FLT3: variants seen among roughly 807,000 people sequenced by gnomAD.
FLT3 encodes receptor-type tyrosine-protein kinase FLT3.
A neutral mutation model predicts 126.6 loss-of-function variants in FLT3; 46 were observed. That is an observed-to-expected ratio of 0.36 (90% CI 0.29 to 0.46). The LOEUF (loss-of-function observed/expected upper bound fraction) is 0.46. Ranked by LOEUF, FLT3 falls within the 20% of genes least tolerant of loss-of-function variation. The probability of loss-of-function intolerance (pLI) is 1.00; values close to 1 mark genes in which losing one functional copy is unlikely to be tolerated. For synonymous variants in FLT3, 404 were observed against 434.4 expected (o/e 0.93, Z 0.87); for missense variants, 1,069 against 1,190.3 (o/e 0.90, Z 1.50).
Position 28,018,976 on chromosome 13 carries a change from T to C in FLT3, c.2419-387A>G, listed in dbSNP as rs532622488. ...GAAATAGCATCTCTTTTCTTTTTTT[T>C]TTTTTTTTGAGACGGAGTTTCACTC... is the stretch of plus-strand genomic sequence containing the variant. On this transcript the variant is annotated intron_variant, in intron 19 of 23. Coordinates refer to ENST00000241453, the MANE Select transcript of FLT3 (RefSeq NM_004119.3). Among the ~76,000 whole-genome samples, 52 of 151,180 alleles carry C rather than the reference T, an allele frequency of 3.4e-4. No individual in the cohort carries two copies. The East Asian group carries it at 9.9e-3, about 29-fold the overall frequency.
intron 9 of FLT3, among the ~76,000 whole-genome samples, chr13:28,047,045 T>C (rs916002996): frequency 9.2e-5 from 14 of 152,158 alleles, no homozygotes; most frequent in Non-Finnish European, 1.5e-5. Flanking sequence ...GTGGCTACCG[T>C]ACCGGACAGC....
chr13:28,058,166 C>T (rs1876183833), intron 3 of FLT3, among the ~76,000 whole-genome samples: 1 of 145,602 alleles, frequency 6.9e-6, no homozygotes, highest in Non-Finnish European at 1.5e-5. Context: ...CAAGACCAGC[C>T]TGGGCCACAT....
chr13:28,063,058 A>T (rs572870182), intron 2 of FLT3, among the ~76,000 whole-genome samples: 1 of 86,422 alleles, frequency 1.2e-5, no homozygotes, highest in Non-Finnish European at 2.6e-5. Flanking sequence ...TTGTTGGTAT[A>T]TAGATAAAAA....
intron 1 of FLT3, among the ~76,000 whole-genome samples, chr13:28,072,155 G>C (rs1229627480): frequency 6.7e-6 from 1 of 149,938 alleles, no homozygotes; most frequent in East Asian, 1.9e-4. Flanking sequence ...AAATATATGT[G>C]TATTTATATA....
intron 20 of FLT3, among the ~76,000 whole-genome samples, chr13:28,017,505 C>T (rs1005599045): frequency 1.5e-4 from 23 of 152,102 alleles, no homozygotes; most frequent in African/African-American, 4.8e-4. Flanking sequence ...GGATTAAAGG[C>T]GTGAGCCACC....
At chr13:28,025,716 T>G (rs1049860378) in intron 17 of FLT3, among the ~76,000 whole-genome samples, 5 of 152,236 alleles carry the variant, frequency 3.3e-5, no homozygotes, top group African/African-American at 1.2e-4. Context: ...ATAGCCCCTC[T>G]GTTCCAGAAT....
chr13:28,098,314 CAAAAAAAAAAAA>C (rs55675449), intron 1 of FLT3, among the ~76,000 whole-genome samples: 1 of 85,294 alleles, frequency 1.2e-5, no homozygotes, highest in East Asian at 3.2e-4. Flanking sequence ...GACTCCGTCT[CAAAAAAAAAAAA>C]AAAAAAAAAA....
chr13:28,062,620 T>G (rs760474044), intron 2 of FLT3, among the ~76,000 whole-genome samples: 7 of 151,730 alleles, frequency 4.6e-5, no homozygotes, highest in African/African-American at 7.3e-5. Context: ...GGTTGGCACC[T>G]GTAATCCCAG....
At chr13:28,028,790 CTTT>C (rs35421108) in intron 15 of FLT3, among the ~76,000 whole-genome samples, 39 of 141,188 alleles carry the variant, frequency 2.8e-4, no homozygotes, top group Non-Finnish European at 5.6e-4. Flanking sequence ...TTCTTTCTTT[CTTT>C]TTTTTTGACA....
chr13:28,028,178 C>G lies in FLT3; in HGVS notation c.2053G>C (p.Gly685Arg). Reference sequence around the variant, plus strand: ...GGTGATTTTCGTGGAAGTGGGTTACCTGACAGTGTGCACGCCCCCAGCAGG... The same window carrying G: ...GGTGATTTTCGTGGAAGTGGGTTACGTGACAGTGTGCACGCCCCCAGCAGG... ...VNLLGACTLS[G>R]PIYLIFEYCC... The change falls in exon 16 of 24, where the codon GGA becomes CGA. Residue 685 changes from glycine (G) to arginine (R), a missense_variant and splice_region_variant. Coordinates refer to ENST00000241453, the MANE Select transcript of FLT3 (RefSeq NM_004119.3). 1 of 1,542,730 alleles carries G rather than the reference C, an allele frequency of 6.5e-7. No homozygotes were observed. Among genetic ancestry groups the G allele is most frequent in the Non-Finnish European group, 9.0e-7 (1 of 1,115,186 alleles).
At chr13:28,016,936 T>C (rs531962691) in intron 20 of FLT3, among the ~76,000 whole-genome samples, 1 of 152,184 alleles carries the variant, frequency 6.6e-6, no homozygotes, top group African/African-American at 2.4e-5. Flanking sequence ...TGCTTTCACG[T>C]TGGTTTTATT....
Position 28,018,464 on chromosome 13 carries a change from C to T in FLT3, c.2541+3G>A, listed in dbSNP as rs960415649. On this transcript the variant is annotated splice_donor_region_variant and intron_variant, in intron 20 of 23. Coordinates refer to ENST00000241453, the MANE Select transcript of FLT3 (RefSeq NM_004119.3). ...AAAAATAAGTAGGAAATAGCAGCCT[C>T]ACATTGCCCCTGACAACATAGTTGG... is the stretch of plus-strand genomic sequence containing the variant. The T allele has an allele frequency of 2.2e-5, 35 of 1,613,946 alleles. No individual in the cohort carries two copies. In the Middle Eastern group the frequency reaches 1.8e-3, roughly 84 times the overall value.
intron 3 of FLT3, 111 bp downstream of exon 3, chr13:28,061,752 CAGAG>C (rs953112385): frequency 1.1e-5 from 8 of 742,728 alleles, no homozygotes; most frequent in Non-Finnish European, 1.8e-5. Flanking sequence ...GCCTGGGTGA[CAGAG>C]AGAGACCCTG....
chr13:28,049,593 T>G, intron 7 of FLT3, 42 bp downstream of exon 7: 1 of 1,613,268 alleles, frequency 6.2e-7, no homozygotes, highest in East Asian at 2.2e-5. Context: ...GACTATTAGT[T>G]AATTGTTCCT....
intron 10 of FLT3, among the ~76,000 whole-genome samples, chr13:28,036,421 C>G (rs1293592641): frequency 6.6e-6 from 1 of 152,166 alleles, no homozygotes; most frequent in Non-Finnish European, 1.5e-5. Context: ...TTGCCAGCCT[C>G]TCCCTGGAGA....
chr13:28,094,990 C>T (rs548705371), intron 1 of FLT3, among the ~76,000 whole-genome samples: 2 of 152,200 alleles, frequency 1.3e-5, no homozygotes, highest in Admixed American at 1.3e-4. Context: ...TCGCAGATTC[C>T]CCAAAGACAG....
At chr13:28,050,053 A>T in intron 6 of FLT3, 42 bp downstream of exon 6, 2 of 1,604,856 alleles carry the variant, frequency 1.2e-6, no homozygotes, top group South Asian at 2.2e-5. Context: ...GTTGCTAAGA[A>T]CCGGTCACTG....
intron 3 of FLT3, among the ~76,000 whole-genome samples, chr13:28,058,841 C>T (rs1876273325): frequency 6.6e-6 from 1 of 152,218 alleles, no homozygotes; most frequent in African/African-American, 2.4e-5. Flanking sequence ...TGATGATATG[C>T]TTTTTTTCTC....
At chr13:28,010,760 A>C (rs1252854672) in intron 23 of FLT3, among the ~76,000 whole-genome samples, 3 of 151,982 alleles carry the variant, frequency 2.0e-5, no homozygotes, top group Non-Finnish European at 4.4e-5. Flanking sequence ...TAATCCCCCC[A>C]CCTTGGGAGG....
Sources: gnomAD v4.1 joint callset for allele counts (sites outside exome capture counted in the v4.1 genomes callset) on GRCh38, gnomAD v4.1.1 for gene constraint, MANE v1.5 for transcripts, NCBI Gene and HGNC (gene_info 2026-07-23, HGNC 2026-07-21) for gene names.